SLIT2: variants seen among roughly 807,000 people sequenced by gnomAD.
SLIT2 encodes the protein slit homolog 2 protein.
Under a neutral mutation model 185.7 loss-of-function variants are expected in SLIT2, and 41 were observed. The observed-to-expected ratio is 0.22, with a 90% CI of 0.17 to 0.29. SLIT2 has a LOEUF of 0.29. Among genes scored for constraint, SLIT2 ranks in the 10% least tolerant of loss-of-function variants. The probability of loss-of-function intolerance (pLI) is 1.00; values close to 1 mark genes in which losing one functional copy is unlikely to be tolerated. For missense variants in SLIT2, 1,571 were observed against 1,909.0 expected, an observed-to-expected ratio of 0.82 and a Z score of 3.30; for synonymous variants, 693 against 680.2, an observed-to-expected ratio of 1.02 and a Z score of -0.29.
chr4:20,534,267 G>T (rs889933659), intron 18 of SLIT2, among the ~76,000 whole-genome samples: 8 of 152,146 alleles, frequency 5.3e-5, no homozygotes, highest in Non-Finnish European at 7.3e-5. Context: ...CCCCTGCAAG[G>T]TCTCAGTGTA....
At chr4:20,500,993 A>G (rs1718682606) in intron 9 of SLIT2, among the ~76,000 whole-genome samples, 2 of 152,308 alleles carry the variant, frequency 1.3e-5, no homozygotes, top group South Asian at 2.1e-4. Context: ...CTGTGCTAAT[A>G]TATATATGGT....
intron 4 of SLIT2, among the ~76,000 whole-genome samples, chr4:20,273,368 T>C (rs1162118242): frequency 4.6e-5 from 7 of 152,150 alleles, no homozygotes; most frequent in Non-Finnish European, 1.0e-4. Flanking sequence ...ATTATACATA[T>C]AAGTGCTACT....
intron 5 of SLIT2, among the ~76,000 whole-genome samples, chr4:20,472,268 A>C (rs376476706): frequency 0.18 from 6,923 of 38,544 alleles, 1,321 homozygotes; most frequent in East Asian, 0.52. Context: ...CTATATATAG[A>C]TATATATCTA....
chr4:20,386,381 A>T (rs896907679), intron 4 of SLIT2, among the ~76,000 whole-genome samples: 1 of 152,208 alleles, frequency 6.6e-6, no homozygotes, highest in South Asian at 2.1e-4. Context: ...TGCTTCTTTA[A>T]TAACGGGTTG....
At chr4:20,486,128 T>C in intron 6 of SLIT2, 72 bp from the exon 7 acceptor site, 1 of 929,252 alleles carries the variant, frequency 1.1e-6, no homozygotes, top group East Asian at 2.5e-5. Flanking sequence ...AGACGTTTTC[T>C]CTATGTTAAT....
intron 4 of SLIT2, among the ~76,000 whole-genome samples, chr4:20,340,180 A>T (rs1027254215): frequency 2.6e-5 from 4 of 152,212 alleles, no homozygotes; most frequent in Admixed American, 1.3e-4. Flanking sequence ...GAAATGTGAA[A>T]TAAGGACATG....
chr4:20,397,183 T>G (rs1725962460), intron 4 of SLIT2, among the ~76,000 whole-genome samples: 1 of 151,744 alleles, frequency 6.6e-6, no homozygotes, highest in African/African-American at 2.4e-5. Context: ...GTTTAGTGGG[T>G]AAGACACCCT....
At chr4:20,377,818 G>A (rs1434519434) in intron 4 of SLIT2, among the ~76,000 whole-genome samples, 1 of 152,138 alleles carries the variant, frequency 6.6e-6, no homozygotes, top group African/African-American at 2.4e-5. Flanking sequence ...TATCTAATAG[G>A]TGTGGTATCT....
chr4:20,259,911 C>G (rs893275755), intron 3 of SLIT2, among the ~76,000 whole-genome samples: 8 of 151,846 alleles, frequency 5.3e-5, no homozygotes, highest in Admixed American at 5.3e-4. Context: ...TTACAACTGC[C>G]AAATCCATCT....
chr4:20,588,664 A>G (rs16869772), intron 29 of SLIT2, among the ~76,000 whole-genome samples: 2,574 of 152,326 alleles, frequency 0.017, 85 homozygotes, highest in African/African-American at 0.058. Context: ...TTAATACTTT[A>G]TGCCACAATT....
intron 3 of SLIT2, among the ~76,000 whole-genome samples, chr4:20,259,062 A>G (rs941376922): frequency 1.3e-5 from 2 of 151,620 alleles, no homozygotes; most frequent in African/African-American, 4.8e-5. Flanking sequence ...TTATTTTACT[A>G]TTGGTCTTTC....
chr4:20,585,434 G>A (rs1163575423), intron 29 of SLIT2, among the ~76,000 whole-genome samples: 1 of 152,204 alleles, frequency 6.6e-6, no homozygotes, highest in East Asian at 1.9e-4. Flanking sequence ...ACACTATTGG[G>A]AAATTTTAAG....
At chr4:20,377,537 G>A (rs563552663) in intron 4 of SLIT2, among the ~76,000 whole-genome samples, 4 of 152,190 alleles carry the variant, frequency 2.6e-5, no homozygotes, top group South Asian at 4.1e-4. Context: ...ACTCCATTTC[G>A]AATTGGACCG....
chr4:20,253,022 G>T lies in SLIT2; in HGVS notation c.-794G>T, dbSNP rs1722160640. Among the ~76,000 whole-genome samples, 1 of 152,158 alleles carries T rather than the reference G, an allele frequency of 6.6e-6. No individual in the cohort carries two copies. Among genetic ancestry groups the T allele is most frequent in the Non-Finnish European group, 1.5e-5 (1 of 68,022 alleles). On this transcript the variant is annotated 5_prime_UTR_variant, in exon 1 of 37. Coordinates refer to ENST00000504154, the MANE Select transcript of SLIT2 (RefSeq NM_004787.4). Reference sequence around the variant, plus strand: ...TCTTTTCTGCGTGACCTCGGGGCAGGTCCTGGTGCAGAGCGTCGCCAAGGA... The same window carrying T: ...TCTTTTCTGCGTGACCTCGGGGCAGTTCCTGGTGCAGAGCGTCGCCAAGGA...
At chr4:20,579,773 C>T (rs1726381359) in intron 29 of SLIT2, among the ~76,000 whole-genome samples, 1 of 151,450 alleles carries the variant, frequency 6.6e-6, no homozygotes, top group Non-Finnish European at 1.5e-5. Context: ...TTACTCATTT[C>T]GGGAAACATT....
chr4:20,337,591 A>G (rs1720612156), intron 4 of SLIT2, among the ~76,000 whole-genome samples: 1 of 152,346 alleles, frequency 6.6e-6, no homozygotes, highest in East Asian at 1.9e-4. Context: ...AACTAGGTAG[A>G]TAATTATAGA....
Position 20,252,193 on chromosome 4 carries a change from G to A in SLIT2, c.-1623G>A, listed in dbSNP as rs1256225398. 6.6e-6 allele frequency among the ~76,000 whole-genome samples: 1 copy of A among 151,972 alleles called. No homozygotes were observed. Among genetic ancestry groups the A allele is most frequent in the African/African-American group, 2.4e-5 (1 of 41,412 alleles). On this transcript the variant is annotated 5_prime_UTR_variant, in exon 1 of 37. Transcript: ENST00000504154. Reference sequence around the variant, plus strand: ...GTTTGGCTACGCTGAGCGCCAGTCAGCCCCAGCGAACAACTCCAGTTACGA... The same window carrying A: ...GTTTGGCTACGCTGAGCGCCAGTCAACCCCAGCGAACAACTCCAGTTACGA...
chr4:20,591,161 C>T (rs983752989), intron 30 of SLIT2, among the ~76,000 whole-genome samples: 9 of 152,306 alleles, frequency 5.9e-5, no homozygotes, highest in Admixed American at 3.3e-4. Context: ...TTCACCTTCA[C>T]TTAATTCATC....
chr4:20,264,711 T>TC (rs1712851404), intron 3 of SLIT2, among the ~76,000 whole-genome samples: 1 of 151,872 alleles, frequency 6.6e-6, no homozygotes, highest in Admixed American at 6.6e-5. Flanking sequence ...GAAAGATCAT[T>TC]CTCTCTTCTG....
Sources: gnomAD v4.1 joint callset for allele counts (sites outside exome capture counted in the v4.1 genomes callset) on GRCh38, gnomAD v4.1.1 for gene constraint, MANE v1.5 for transcripts, NCBI Gene and HGNC (gene_info 2026-07-23, HGNC 2026-07-21) for gene names.